The following ATRN variants were observed in gnomAD, a reference collection of about 807,000 sequenced individuals.
ATRN encodes attractin-2.
ATRN carries 54 observed loss-of-function variants against 178.7 expected under a neutral mutation model. The ratio of observed to expected loss-of-function variants is 0.30; its 90% confidence interval spans 0.24 to 0.38. The LOEUF (loss-of-function observed/expected upper bound fraction) is 0.38. Among genes scored for constraint, ATRN ranks in the 10% least tolerant of loss-of-function variants. The pLI is 1.00. For synonymous variants in ATRN, 636 were observed against 663.0 expected, an observed-to-expected ratio of 0.96 and a Z score of 0.63; for missense variants, 1,443 against 1,815.1, an observed-to-expected ratio of 0.79 and a Z score of 3.73.
At chr20:3,557,899 A>T (rs2085900083) in intron 6 of ATRN, among the ~76,000 whole-genome samples, 1 of 152,238 alleles carries the variant, frequency 6.6e-6, no homozygotes, top group African/African-American at 2.4e-5. Context: ...TATGTAAAAT[A>T]ATAGTTATGT....
intron 6 of ATRN, 48 bp downstream of exon 6, chr20:3,549,386 A>G (rs754355538): frequency 7.0e-7 from 1 of 1,425,204 alleles, no homozygotes; most frequent in Non-Finnish European, 9.3e-7. Context: ...TTTTATTTTG[A>G]AAATTTATAA....
At position 3,487,593 on chromosome 20, in the gene ATRN, T is replaced by A. The variant is rs113214816; in HGVS notation, c.410+16076T>A. On this transcript the variant is annotated intron_variant, in intron 1 of 28. Coordinates refer to ENST00000262919, the MANE Select transcript of ATRN (RefSeq NM_139321.3). ...TTGCTGATTTTTGTTCATGGTACATTGCTTCAATTTTGTCAAAAATTTGAG... is the reference window on the plus strand; with the variant it reads ...TTGCTGATTTTTGTTCATGGTACATAGCTTCAATTTTGTCAAAAATTTGAG... Among the ~76,000 whole-genome samples, 652 of 152,332 alleles carry A rather than the reference T, an allele frequency of 4.3e-3. 5 individuals are homozygous for A. Among genetic ancestry groups the A allele is most frequent in the Non-Finnish European group, 5.8e-3 (396 of 68,028 alleles).
intron 26 of ATRN, among the ~76,000 whole-genome samples, chr20:3,635,800 G>T (rs1709990784): frequency 6.6e-6 from 1 of 151,916 alleles, no homozygotes; most frequent in Non-Finnish European, 1.5e-5. Flanking sequence ...AGGGAATGTT[G>T]CACACTCTTT....
At chr20:3,482,773 CTT>C (rs1441894244) in intron 1 of ATRN, among the ~76,000 whole-genome samples, 5 of 152,256 alleles carry the variant, frequency 3.3e-5, no homozygotes, top group African/African-American at 9.6e-5. Context: ...TTGGACAACT[CTT>C]TGAGAAACAC....
chr20:3,612,158 C>T (rs544084981), intron 24 of ATRN, among the ~76,000 whole-genome samples: 168 of 152,316 alleles, frequency 1.1e-3, no homozygotes, highest in African/African-American at 3.8e-3. Flanking sequence ...GCTACATACA[C>T]ACCATGGCCT....
Position 3,647,055 on chromosome 20 carries a change from A to T in ATRN, c.*208A>T, listed in dbSNP as rs1002581283. 7.6e-5 allele frequency: 46 copies of T among 608,156 alleles called. No individual in the cohort carries two copies. Among genetic ancestry groups the T allele is most frequent in the Non-Finnish European group, 1.0e-4 (38 of 380,546 alleles). 37.7% of individuals were successfully genotyped at this position (608,156 alleles called of 1,614,324 possible). A position where few individuals can be genotyped will look rare whatever the true frequency, so the allele number is the denominator to read the frequency against. ...AGCATCTAACCTTTTACTTTTGCAT[A>T]GGAAATACTTGATTTAATTACAGGT... On this transcript the variant is annotated 3_prime_UTR_variant, in exon 29 of 29. Transcript: ENST00000262919.
chr20:3,476,304 T>G (rs1158825953), intron 1 of ATRN, among the ~76,000 whole-genome samples: 4 of 152,178 alleles, frequency 2.6e-5, no homozygotes, highest in African/African-American at 9.6e-5. Context: ...TGTGCAAAAT[T>G]GAGATTTGAA....
chr20:3,583,692 C>T (rs1206130989), intron 16 of ATRN, among the ~76,000 whole-genome samples: 1 of 152,022 alleles, frequency 6.6e-6, no homozygotes, highest in East Asian at 1.9e-4. Flanking sequence ...CCTGTAGTCC[C>T]AGCTACTTGG....
intron 12 of ATRN, among the ~76,000 whole-genome samples, chr20:3,575,357 A>C (rs911993938): frequency 6.6e-6 from 1 of 152,210 alleles, no homozygotes; most frequent in Admixed American, 6.5e-5. Context: ...ACACGCATGT[A>C]CAAAATGCAG....
rs977815554 is a variant in ATRN at position 3,645,846 on chromosome 20, C to T, written c.4166-877C>T. Reference sequence around the variant, plus strand: ...AGGTCTCAGCAGAGCTCCGAGCCTGCGCTGGCCATTTCCCACGTATATTAG... The same window carrying T: ...AGGTCTCAGCAGAGCTCCGAGCCTGTGCTGGCCATTTCCCACGTATATTAG... On this transcript the variant is annotated intron_variant, in intron 28 of 28. Coordinates refer to ENST00000262919, the MANE Select transcript of ATRN (RefSeq NM_139321.3). The surrounding 1 kb of genome is among the most constrained non-coding windows in gnomAD (Gnocchi z 4.7). 1.3e-5 allele frequency among the ~76,000 whole-genome samples: 2 copies of T among 151,988 alleles called. No homozygotes were observed. Among genetic ancestry groups the T allele is most frequent in the South Asian group, 2.1e-4 (1 of 4,804 alleles).
chr20:3,634,639 T>C (rs2087012600), intron 26 of ATRN, among the ~76,000 whole-genome samples: 2 of 152,212 alleles, frequency 1.3e-5, no homozygotes, highest in Non-Finnish European at 2.9e-5. Flanking sequence ...AACTCTGGTA[T>C]TGACTTGGAA....
intron 28 of ATRN, among the ~76,000 whole-genome samples, chr20:3,646,103 G>A (rs916751784): frequency 1.3e-5 from 2 of 152,148 alleles, no homozygotes; most frequent in Non-Finnish European, 2.9e-5. Context: ...CTTCACACTA[G>A]CCCTGTACTA....
chr20:3,642,010 A>G (rs1466670470), intron 27 of ATRN, among the ~76,000 whole-genome samples: 1 of 152,238 alleles, frequency 6.6e-6, no homozygotes, highest in Non-Finnish European at 1.5e-5. Flanking sequence ...GAACAACATG[A>G]TATATGTCAG....
intron 22 of ATRN, among the ~76,000 whole-genome samples, chr20:3,598,236 C>A (rs770875824): frequency 3.3e-5 from 5 of 152,170 alleles, no homozygotes; most frequent in Non-Finnish European, 5.9e-5. Context: ...ATTGATTCCA[C>A]GCATACTTAC....
intron 6 of ATRN, among the ~76,000 whole-genome samples, chr20:3,553,112 T>C (rs2085812303): frequency 6.6e-6 from 1 of 152,194 alleles, no homozygotes; most frequent in Non-Finnish European, 1.5e-5. Flanking sequence ...TCTTGTTAGC[T>C]CTACCTTTAG....
rs376508483 is a variant in ATRN at position 3,628,121 on chromosome 20, G to A, written c.3863+3549G>A. Among the ~76,000 whole-genome samples, 17 of 152,254 alleles carry A rather than the reference G, an allele frequency of 1.1e-4. 1 individual carries two copies. The East Asian group carries it at 1.5e-3, about 14-fold the overall frequency. On this transcript the variant is annotated intron_variant, in intron 25 of 28. Transcript: ENST00000262919. ...TGGGAGGCAGAGCTTGCTGTGAGCC[G>A]AGATCGCGCCACTGCACTCCAACCT... is the stretch of plus-strand genomic sequence containing the variant.
Position 3,490,016 on chromosome 20 carries a change from T to A in ATRN, c.410+18499T>A, listed in dbSNP as rs2084763496. On this transcript the variant is annotated intron_variant, in intron 1 of 28. Transcript: ENST00000262919. ...CATTTTCATGAGTGAGATGTTGCTG[T>A]TCCCTGAGAGTCAGAGTATTCATAG... 3.0e-6 allele frequency: 3 copies of A among 1,003,928 alleles called. No individual in the cohort carries two copies. The East Asian group carries it at 7.1e-5, about 24-fold the overall frequency. 62.2% of individuals were successfully genotyped at this position (1,003,928 alleles called of 1,614,324 possible).
chr20:3,584,593 C>A, intron 17 of ATRN, 54 bp from the exon 18 acceptor site: 1 of 1,283,524 alleles, frequency 7.8e-7, no homozygotes, highest in Non-Finnish European at 1.1e-6. Context: ...AAAGTAAATA[C>A]AGTGAATTCA....
intron 25 of ATRN, among the ~76,000 whole-genome samples, chr20:3,630,939 T>TGGG (rs1568774677): frequency 1.9e-5 from 1 of 51,434 alleles, no homozygotes; most frequent in Non-Finnish European, 3.9e-5. Context: ...TTTTTTTTTT[T>TGGG]TTTTTTTTTT....
Sources: gnomAD v4.1 joint callset for allele counts (sites outside exome capture counted in the v4.1 genomes callset) on GRCh38, gnomAD v4.1.1 for gene constraint, Gnocchi (gnomAD v3.1) non-coding constraint, MANE v1.5 for transcripts, NCBI Gene and HGNC (gene_info 2026-07-23, HGNC 2026-07-21) for gene names.